GRB10: variants seen among roughly 807,000 people sequenced by gnomAD.
GRB10 encodes growth factor receptor bound protein 10.
In GRB10, 20 loss-of-function variants were observed where a neutral mutation model predicts 80.9. That is an observed-to-expected ratio of 0.25 (90% CI 0.17 to 0.36). The LOEUF (loss-of-function observed/expected upper bound fraction) is 0.36. Ranked by LOEUF, GRB10 falls within the 10% of genes least tolerant of loss-of-function variation. GRB10 has a pLI of 1.00. For synonymous variants in GRB10, 291 were observed against 291.5 expected, an observed-to-expected ratio of 1.00 and a Z score of 0.02; for missense variants, 548 against 747.7, an observed-to-expected ratio of 0.73 and a Z score of 3.12.
At chr7:50,656,282 T>G (rs115512519) in intron 7 of GRB10, among the ~76,000 whole-genome samples, 2 of 152,222 alleles carry the variant, frequency 1.3e-5, no homozygotes, top group Non-Finnish European at 2.9e-5. Flanking sequence ...TCGGTCACTC[T>G]GATCCTCCGT....
chr7:50,639,788 A>G (rs2055866463), intron 7 of GRB10, among the ~76,000 whole-genome samples: 1 of 152,118 alleles, frequency 6.6e-6, no homozygotes, highest in South Asian at 2.1e-4. Context: ...AGTAGCCTCT[A>G]CCCTTGTTTT....
intron 7 of GRB10, among the ~76,000 whole-genome samples, chr7:50,657,459 G>C (rs2058757506): frequency 6.6e-6 from 1 of 152,124 alleles, no homozygotes; most frequent in African/African-American, 2.4e-5. Context: ...TGTGTGAGCG[G>C]AAACACTACC....
At chr7:50,716,271 A>G (rs561814339) in intron 4 of GRB10, among the ~76,000 whole-genome samples, 3 of 152,342 alleles carry the variant, frequency 2.0e-5, no homozygotes, top group Admixed American at 1.3e-4. Flanking sequence ...GCCCCAAACT[A>G]AAAGTGACTC....
intron 5 of GRB10, among the ~76,000 whole-genome samples, chr7:50,691,657 CTAT>C (rs1441636380): frequency 2.0e-5 from 3 of 152,072 alleles, no homozygotes; most frequent in African/African-American, 7.2e-5. Flanking sequence ...TGTACAAATG[CTAT>C]TATTTGGTGT....
intron 4 of GRB10, among the ~76,000 whole-genome samples, chr7:50,716,838 A>G (rs1360487207): frequency 4.6e-5 from 7 of 152,214 alleles, no homozygotes; most frequent in African/African-American, 1.7e-4. Context: ...CTATGAAGAC[A>G]TAGTAATAGA....
At chr7:50,603,697 T>C (rs1224121423) in intron 17 of GRB10, among the ~76,000 whole-genome samples, 2 of 152,228 alleles carry the variant, frequency 1.3e-5, no homozygotes, top group African/African-American at 4.8e-5. Context: ...TTTTTTTCCA[T>C]CTGCCCACTA....
intron 7 of GRB10, among the ~76,000 whole-genome samples, chr7:50,633,289 TA>T (rs528085477): frequency 2.7e-4 from 41 of 152,058 alleles, no homozygotes; most frequent in Non-Finnish European, 5.6e-4. Flanking sequence ...ACCACTACAC[TA>T]AAGCTATCTA....
At chr7:50,666,727 A>C (rs1030151993) in intron 7 of GRB10, among the ~76,000 whole-genome samples, 4 of 152,100 alleles carry the variant, frequency 2.6e-5, no homozygotes, top group Admixed American at 2.6e-4. Context: ...TTACGGAGCT[A>C]CCAAGGAGTC....
At chr7:50,673,303 C>T (rs973509374) in intron 6 of GRB10, among the ~76,000 whole-genome samples, 3 of 152,168 alleles carry the variant, frequency 2.0e-5, no homozygotes, top group Non-Finnish European at 1.5e-5. Flanking sequence ...CACGGAGCCC[C>T]ACGCCATCCC....
At chr7:50,652,191 T>TC (rs2058074170) in intron 7 of GRB10, among the ~76,000 whole-genome samples, 1 of 152,146 alleles carries the variant, frequency 6.6e-6, no homozygotes, top group South Asian at 2.1e-4. Flanking sequence ...AAACAAGAAC[T>TC]CCATCTATAA....
chr7:50,681,035 C>G (rs2061487462), intron 5 of GRB10, among the ~76,000 whole-genome samples: 1 of 152,228 alleles, frequency 6.6e-6, no homozygotes. Flanking sequence ...TTCATAAAAT[C>G]TGTCCTCTGC....
chr7:50,658,382 G>A (rs939086520), intron 7 of GRB10, among the ~76,000 whole-genome samples: 1 of 152,212 alleles, frequency 6.6e-6, no homozygotes, highest in African/African-American at 2.4e-5. Flanking sequence ...TCGAGTCAAA[G>A]CAGCAGCAAG....
intron 17 of GRB10, 98 bp from the exon 18 acceptor site, chr7:50,595,628 C>CACACACACACAT: frequency 1.3e-6 from 1 of 773,712 alleles, no homozygotes; most frequent in Non-Finnish European, 2.3e-6. Context: ...CACACACACA[C>CACACACACACAT]ACACACACAG....
At chr7:50,728,870 C>G (rs10279988) in intron 4 of GRB10, among the ~76,000 whole-genome samples, 92 of 152,274 alleles carry the variant, frequency 6.0e-4, no homozygotes, top group African/African-American at 2.2e-3. Flanking sequence ...AGGGTATCCC[C>G]ATGTTGGCCA....
At chr7:50,614,135 G>T (rs2050083322) in intron 12 of GRB10, among the ~76,000 whole-genome samples, 1 of 152,216 alleles carries the variant, frequency 6.6e-6, no homozygotes, top group South Asian at 2.1e-4. Context: ...GCCTATAGGT[G>T]TGTGCACATG....
intron 5 of GRB10, among the ~76,000 whole-genome samples, chr7:50,689,063 T>C (rs73118816): frequency 0.074 from 11,319 of 152,250 alleles, 681 homozygotes; most frequent in South Asian, 0.12. Context: ...AACCACTCCC[T>C]GCTTCAAATA....
chr7:50,625,314 G>C (rs2052675936), intron 8 of GRB10, among the ~76,000 whole-genome samples: 1 of 152,140 alleles, frequency 6.6e-6, no homozygotes, highest in Non-Finnish European at 1.5e-5. Context: ...AAAGAATATT[G>C]AGACTTGTGA....
At chr7:50,607,538 G>C (rs1413490180) in intron 13 of GRB10, among the ~76,000 whole-genome samples, 3 of 152,228 alleles carry the variant, frequency 2.0e-5, no homozygotes, top group Non-Finnish European at 4.4e-5. Flanking sequence ...GTGCCACTAT[G>C]GGCTCAATAT....
intron 14 of GRB10, among the ~76,000 whole-genome samples, 196 bp from the exon 15 acceptor site, chr7:50,605,602 G>C (rs1182696972): frequency 2.0e-5 from 3 of 152,124 alleles, no homozygotes; most frequent in African/African-American, 7.2e-5. Context: ...TTTTTCTTAA[G>C]AACGAAACAC....
Sources: gnomAD v4.1 joint callset for allele counts (sites outside exome capture counted in the v4.1 genomes callset) on GRCh38, gnomAD v4.1.1 for gene constraint, MANE v1.5 for transcripts, NCBI Gene and HGNC (gene_info 2026-07-23, HGNC 2026-07-21) for gene names.